Variants in TTC28 observed in about 807,000 individuals in gnomAD.
TTC28 encodes tetratricopeptide repeat protein 28.
Under a neutral mutation model 198.0 loss-of-function variants are expected in TTC28, and 61 were observed. That is an observed-to-expected ratio of 0.31 (90% CI 0.25 to 0.38). The LOEUF (loss-of-function observed/expected upper bound fraction) is 0.38. TTC28 is among the 10% of genes least tolerant of loss of function. The pLI is 1.00. For synonymous variants in TTC28, 1,171 were observed against 1,297.8 expected, an observed-to-expected ratio of 0.90 and a Z score of 2.10; for missense variants, 2,678 against 3,164.0, an observed-to-expected ratio of 0.85 and a Z score of 3.69.
intron 2 of TTC28, among the ~76,000 whole-genome samples, chr22:28,543,915 T>A (rs1213977604): frequency 1.3e-5 from 2 of 152,192 alleles, no homozygotes; most frequent in East Asian, 3.9e-4. Context: ...TGGGATTGAT[T>A]CTCGAATGTT....
intron 3 of TTC28, among the ~76,000 whole-genome samples, chr22:28,299,216 AC>A (rs1418876811): frequency 6.6e-6 from 1 of 151,948 alleles, no homozygotes; most frequent in Non-Finnish European, 1.5e-5. Flanking sequence ...AAACTATTTC[AC>A]ATTAGTTATT....
chr22:28,332,936 T>G (rs1601641892), intron 2 of TTC28, among the ~76,000 whole-genome samples: 1 of 151,960 alleles, frequency 6.6e-6, no homozygotes, highest in African/African-American at 2.4e-5. Context: ...ACTGGAAGAG[T>G]ATACCTTTAT....
chr22:28,341,488 C>T (rs1053369950), intron 2 of TTC28, among the ~76,000 whole-genome samples: 7 of 151,788 alleles, frequency 4.6e-5, no homozygotes, highest in African/African-American at 1.7e-4. Context: ...CTCATCTTAA[C>T]AAAAAATAAA....
chr22:28,387,523 A>C (rs980501829), intron 2 of TTC28, among the ~76,000 whole-genome samples: 25 of 152,124 alleles, frequency 1.6e-4, no homozygotes, highest in Non-Finnish European at 2.8e-4. Context: ...CTGACTCTTT[A>C]ATGATTGCCA....
In TTC28 at chr22:27,981,165, C is replaced by T. The variant is rs1001076035; in HGVS notation, c.*1056G>A. ...GTTGGGAAAAGGGAATAAAATTCAGCAGCTAATAAAAGGGAACAGGAGCCT... is the reference window on the plus strand; with the variant it reads ...GTTGGGAAAAGGGAATAAAATTCAGTAGCTAATAAAAGGGAACAGGAGCCT... On this transcript the variant is annotated 3_prime_UTR_variant, in exon 23 of 23. Transcript: ENST00000397906. The T allele has an allele frequency of 5.8e-5, 8 of 137,934 alleles. No individual in the cohort carries two copies. Among genetic ancestry groups the T allele is most frequent in the Admixed American group, 5.7e-4 (7 of 12,204 alleles). 8.5% of individuals were successfully genotyped at this position (137,934 alleles called of 1,614,324 possible). A position where few individuals can be genotyped will look rare whatever the true frequency, so the allele number is the denominator to read the frequency against.
chr22:27,983,021 T>G lies in TTC28; in HGVS notation c.6646A>C (p.Arg2216=). Reference sequence around the variant, plus strand: ...CTCTTCTGATGGGAGAGAACAGGCCTGCTGAACGCACTGGTTTCTGACGCT... The same window carrying G: ...CTCTTCTGATGGGAGAGAACAGGCCGGCTGAACGCACTGGTTTCTGACGCT... The part of the protein sequence containing the change: ...FRASETSAFS[R]PVLSHQKSQP... Residue 2216 remains arginine (R), a synonymous_variant, in exon 23 of 23, where the codon AGG becomes CGG. Transcript: ENST00000397906. 6.4e-7 allele frequency: 1 copy of G among 1,551,696 alleles called. No homozygotes were observed. The highest frequency in any genetic ancestry group is 1.2e-5 in the South Asian group (1 of 84,058).
At chr22:28,053,259 T>A (rs1370907689) in intron 12 of TTC28, among the ~76,000 whole-genome samples, 2 of 152,270 alleles carry the variant, frequency 1.3e-5, no homozygotes, top group East Asian at 3.8e-4. Context: ...TGTCTCCCAC[T>A]GCTGGGCATC....
Position 27,978,441 on chromosome 22 carries a change from CT to C in TTC28, c.*3779del, listed in dbSNP as rs1485284376. 1 of 151,834 alleles carries C rather than the reference CT, an allele frequency of 6.6e-6. No individual in the cohort carries two copies. Among genetic ancestry groups the C allele is most frequent in the Non-Finnish European group, 1.5e-5 (1 of 67,810 alleles). The allele number at this position is 151,834 out of a possible 1,614,324, so 9.4% of individuals were successfully genotyped here. A position where few individuals can be genotyped will look rare whatever the true frequency, so the allele number is the denominator to read the frequency against. ...TTGCATGGCATTTTTCCAGCCTGAACTGAAATTATCAAGGCTACAGTTCTTC... is the reference window on the plus strand; with the variant it reads ...TTGCATGGCATTTTTCCAGCCTGAACGAAATTATCAAGGCTACAGTTCTTC... On this transcript the variant is annotated 3_prime_UTR_variant, in exon 23 of 23. Transcript: ENST00000397906.
At chr22:28,310,169 C>A (rs2045230104) in intron 2 of TTC28, among the ~76,000 whole-genome samples, 1 of 143,370 alleles carries the variant, frequency 7.0e-6, no homozygotes, top group South Asian at 2.4e-4. Flanking sequence ...CACACACACA[C>A]ACACAAAAAA....
intron 12 of TTC28, among the ~76,000 whole-genome samples, chr22:28,048,214 T>A (rs1373511870): frequency 6.6e-6 from 1 of 152,108 alleles, no homozygotes; most frequent in African/African-American, 2.4e-5. Context: ...TTCACCCACA[T>A]ATCCTGGAGG....
intron 5 of TTC28, among the ~76,000 whole-genome samples, chr22:28,258,398 C>G (rs1252975567): frequency 6.6e-6 from 1 of 152,064 alleles, no homozygotes. Flanking sequence ...AATTTTCTAT[C>G]TTTATCTCAA....
At chr22:28,430,291 T>TA (rs895778329) in intron 2 of TTC28, among the ~76,000 whole-genome samples, 1 of 152,294 alleles carries the variant, frequency 6.6e-6, no homozygotes, top group African/African-American at 2.4e-5. Context: ...TTGTACTCTC[T>TA]AAATTTACCA....
At chr22:28,549,961 C>T (rs891143349) in intron 2 of TTC28, among the ~76,000 whole-genome samples, 2 of 152,176 alleles carry the variant, frequency 1.3e-5, no homozygotes, top group Non-Finnish European at 2.9e-5. Context: ...CTTCTGCTCA[C>T]AATCAAATAA....
intron 12 of TTC28, among the ~76,000 whole-genome samples, chr22:28,037,074 A>C (rs145485024): frequency 0.022 from 3,376 of 152,316 alleles, 36 homozygotes; most frequent in Non-Finnish European, 0.028. Context: ...TCACAGCCGA[A>C]TTCTACCAGA....
intron 2 of TTC28, among the ~76,000 whole-genome samples, chr22:28,476,197 C>T (rs1329946089): frequency 6.6e-6 from 1 of 152,150 alleles, no homozygotes; most frequent in Admixed American, 6.5e-5. Context: ...TGTATCATCT[C>T]CTTGCCTTTT....
chr22:28,446,664 C>G (rs1321019583), intron 2 of TTC28, among the ~76,000 whole-genome samples: 2 of 152,190 alleles, frequency 1.3e-5, no homozygotes, highest in Non-Finnish European at 2.9e-5. Flanking sequence ...TCATCAGAAG[C>G]AGATGTTGGT....
intron 2 of TTC28, among the ~76,000 whole-genome samples, chr22:28,482,001 C>T (rs2048253075): frequency 6.6e-6 from 1 of 152,172 alleles, no homozygotes; most frequent in Non-Finnish European, 1.5e-5. Flanking sequence ...CACATGCACA[C>T]AGACTCCATA....
chr22:28,646,608 T>C (rs1391281110), intron 1 of TTC28, among the ~76,000 whole-genome samples: 2 of 152,304 alleles, frequency 1.3e-5, no homozygotes, highest in East Asian at 3.9e-4. Context: ...CTCACACCTG[T>C]AATCCCAGCA....
chr22:28,209,888 G>A (rs562093176), intron 5 of TTC28, among the ~76,000 whole-genome samples: 1 of 152,306 alleles, frequency 6.6e-6, no homozygotes, highest in Non-Finnish European at 1.5e-5. Flanking sequence ...ACACCTCCCA[G>A]TAGGGGCCGA....
Sources: gnomAD v4.1 joint callset for allele counts (sites outside exome capture counted in the v4.1 genomes callset) on GRCh38, gnomAD v4.1.1 for gene constraint, MANE v1.5 for transcripts, NCBI Gene and HGNC (gene_info 2026-07-23, HGNC 2026-07-21) for gene names.